ADAMTS9: variants seen among roughly 807,000 people sequenced by gnomAD.
The protein encoded by ADAMTS9 is A disintegrin and metalloproteinase with thrombospondin motifs 9.
ADAMTS9 carries 107 observed loss-of-function variants against 257.1 expected under a neutral mutation model. That is an observed-to-expected ratio of 0.42 (90% CI 0.36 to 0.49). The LOEUF is 0.49. Among genes scored for constraint, ADAMTS9 ranks in the 20% least tolerant of loss-of-function variants. The pLI, the probability that ADAMTS9 is intolerant of heterozygous loss-of-function variation, is 0.03. For synonymous variants in ADAMTS9, 982 were observed against 880.9 expected, an observed-to-expected ratio of 1.11 and a Z score of -2.03; for missense variants, 2,353 against 2,469.1, an observed-to-expected ratio of 0.95 and a Z score of 1.00.
At chr3:64,683,027 G>A (rs1419522500) in intron 2 of ADAMTS9, among the ~76,000 whole-genome samples, 1 of 152,202 alleles carries the variant, frequency 6.6e-6, no homozygotes, top group Non-Finnish European at 1.5e-5. Context: ...CCTGGTTTAA[G>A]AAAAGGGCAG....
chr3:64,633,467 C>G lies in ADAMTS9; in HGVS notation c.2175+5G>C, dbSNP rs1022335408. ...ACAGTGAAGAAAACACCATCAAGGA[C>G]TTACCCGGCAAAGGCCCTGGACACA... On this transcript the variant is annotated splice_donor_5th_base_variant and intron_variant, in intron 14 of 39. Transcript: ENST00000498707. 3 of 1,613,798 alleles carry G rather than the reference C, an allele frequency of 1.9e-6. No homozygotes were observed. In the African/African-American group the frequency reaches 4.0e-5, roughly 22 times the overall value.
At chr3:64,573,066 T>G (rs1240357388) in intron 28 of ADAMTS9, among the ~76,000 whole-genome samples, 2 of 120,528 alleles carry the variant, frequency 1.7e-5, no homozygotes, top group Non-Finnish European at 1.6e-5. Flanking sequence ...ACGGAGTGAG[T>G]GAGACTCCAT....
intron 28 of ADAMTS9, among the ~76,000 whole-genome samples, chr3:64,592,155 TTTTGA>T (rs1408517389): frequency 2.0e-5 from 3 of 152,230 alleles, no homozygotes; most frequent in African/African-American, 2.4e-5. Context: ...AAGAAAATGC[TTTTGA>T]TTTAATTTTT....
chr3:64,672,167 T>G (rs1196019437), intron 3 of ADAMTS9, among the ~76,000 whole-genome samples: 1 of 152,222 alleles, frequency 6.6e-6, no homozygotes, highest in Non-Finnish European at 1.5e-5. Flanking sequence ...AAGAAAGATG[T>G]GCGTCTTAGC....
intron 19 of ADAMTS9, among the ~76,000 whole-genome samples, chr3:64,618,060 C>A (rs1700009934): frequency 6.6e-6 from 1 of 152,012 alleles, no homozygotes; most frequent in African/African-American, 2.4e-5. Context: ...TTTATTTTCC[C>A]AACAATCTAT....
At chr3:64,639,133 G>C (rs1700572830) in intron 12 of ADAMTS9, among the ~76,000 whole-genome samples, 1 of 151,798 alleles carries the variant, frequency 6.6e-6, no homozygotes. Context: ...TCCCTTTTCT[G>C]TGTTCCTTTC....
chr3:64,671,452 T>C (rs997380073), intron 3 of ADAMTS9, among the ~76,000 whole-genome samples: 13 of 152,078 alleles, frequency 8.5e-5, no homozygotes, highest in Non-Finnish European at 2.9e-5. Context: ...ATGTAAATTA[T>C]ACATTAATAG....
chr3:64,635,940 G>T (rs1700484304), intron 12 of ADAMTS9, among the ~76,000 whole-genome samples: 1 of 152,106 alleles, frequency 6.6e-6, no homozygotes, highest in South Asian at 2.1e-4. Flanking sequence ...CTACAAGGAA[G>T]ACCCCCTTCA....
At chr3:64,517,427 T>TTTTTTTTTTTTTTTTG in intron 39 of ADAMTS9, among the ~76,000 whole-genome samples, 1 of 129,622 alleles carries the variant, frequency 7.7e-6, no homozygotes, top group South Asian at 3.0e-4. Context: ...TTTTTTTTTT[T>TTTTTTTTTTTTTTTTG]TTTTTTTTTT....
intron 28 of ADAMTS9, chr3:64,589,894 C>T (rs985876557): frequency 1.3e-5 from 2 of 152,160 alleles, no homozygotes; most frequent in Non-Finnish European, 2.9e-5. Context: ...ACAAAATTGA[C>T]AAATGCTGTA....
chr3:64,604,757 C>T (rs1224055084), intron 23 of ADAMTS9, among the ~76,000 whole-genome samples: 2 of 152,210 alleles, frequency 1.3e-5, no homozygotes, highest in African/African-American at 4.8e-5. Context: ...CATGAACTTG[C>T]TTTCCCTGTT....
chr3:64,681,471 C>G, intron 2 of ADAMTS9, 108 bp from the exon 3 acceptor site: 1 of 1,207,406 alleles, frequency 8.3e-7, no homozygotes, highest in Non-Finnish European at 1.1e-6. Context: ...TACCCAATCT[C>G]TTTTTCAGGA....
chr3:64,589,390 T>A (rs1267210807), intron 28 of ADAMTS9: 1 of 152,166 alleles, frequency 6.6e-6, no homozygotes, highest in Non-Finnish European at 1.5e-5. Flanking sequence ...TGAACATAGG[T>A]TGTTTCTTTC....
Position 64,596,808 on chromosome 3 carries a change from T to A in ADAMTS9, c.4179+22A>T. ...GGTTAACACAATTCCTCTGTATTTA[T>A]AGACGGATAGTTCACTCTCACCTCT... On this transcript the variant is annotated intron_variant, in intron 27 of 39. Coordinates refer to ENST00000498707, the MANE Select transcript of ADAMTS9 (RefSeq NM_182920.2). 5 of 1,613,566 alleles carry A rather than the reference T, an allele frequency of 3.1e-6. No homozygotes were observed. In the South Asian group the frequency reaches 5.5e-5, roughly 18 times the overall value.
At chr3:64,549,700 G>C (rs1001654347) in intron 31 of ADAMTS9, among the ~76,000 whole-genome samples, 19 of 152,098 alleles carry the variant, frequency 1.2e-4, no homozygotes, top group Non-Finnish European at 4.4e-5. Context: ...GCGCACTATA[G>C]GATTCTTAGC....
chr3:64,554,305 T>G (rs2083304467), intron 30 of ADAMTS9, among the ~76,000 whole-genome samples: 1 of 152,306 alleles, frequency 6.6e-6, no homozygotes, highest in African/African-American at 2.4e-5. Flanking sequence ...AATATAACTT[T>G]TACAAAATTA....
At chr3:64,586,284 A>T (rs1401649886) in intron 28 of ADAMTS9, among the ~76,000 whole-genome samples, 1 of 152,028 alleles carries the variant, frequency 6.6e-6, no homozygotes, top group African/African-American at 2.4e-5. Context: ...GGTTGTTATA[A>T]TAAAAAAAAA....
chr3:64,559,945 T>A (rs1471920627), intron 30 of ADAMTS9, among the ~76,000 whole-genome samples: 1 of 151,918 alleles, frequency 6.6e-6, no homozygotes, highest in Non-Finnish European at 1.5e-5. Flanking sequence ...CCATGGTAGG[T>A]CTGAAAAAAA....
chr3:64,572,106 C>A (rs1402259152), intron 28 of ADAMTS9, among the ~76,000 whole-genome samples: 1 of 152,124 alleles, frequency 6.6e-6, no homozygotes, highest in Non-Finnish European at 1.5e-5. Flanking sequence ...TGGGAAACAA[C>A]CCAACTTTGT....
Sources: allele counts gnomAD v4.1 joint callset (sites outside exome capture counted in the v4.1 genomes callset), GRCh38; gene constraint gnomAD v4.1.1; transcripts MANE v1.5; gene names NCBI Gene and HGNC (gene_info 2026-07-23, HGNC 2026-07-21).